The following SH2D5 variants were observed in gnomAD, a reference collection of about 807,000 sequenced individuals.
The protein encoded by SH2D5 is SH2 domain containing 5.
A neutral mutation model predicts 48.2 loss-of-function variants in SH2D5; 45 were observed. That is an observed-to-expected ratio of 0.93 (90% CI 0.73 to 1.20). SH2D5 has a LOEUF of 1.20. Ranked by LOEUF, SH2D5 falls within the 50% of genes most tolerant of loss-of-function variation. The pLI is 0.00. For synonymous variants in SH2D5, 230 were observed against 249.8 expected (o/e 0.92, Z 0.75); for missense variants, 538 against 584.1 (o/e 0.92, Z 0.81).
Position 20,722,839 on chromosome 1 carries a change from G to A in SH2D5, c.985C>T (p.Gln329Ter). 1 of 1,605,208 alleles carries A rather than the reference G, an allele frequency of 6.2e-7. No individual in the cohort carries two copies. The highest frequency in any genetic ancestry group is 8.5e-7 in the Non-Finnish European group (1 of 1,176,390). Residue 329 changes from glutamine (Q) to a stop codon, truncating the protein, a stop_gained, in exon 9 of 10, where the codon CAG becomes TAG. Transcript: ENST00000444387. LOFTEE classifies it high-confidence loss of function. ...TGCGTGCGCACGGACAGACACCACT[G>A]GCCGCTAGCACCCAGCTCAGGCCAC... ...LLWPELGASG[Q>*]WCLSVRTQCG...
At chr1:20,723,949 A>G in intron 7 of SH2D5, 134 bp downstream of exon 7, 5 of 1,182,304 alleles carry the variant, frequency 4.2e-6, no homozygotes, top group Non-Finnish European at 1.2e-6. Flanking sequence ...AAACACACAC[A>G]GTGCACAGGC....
intron 3 of SH2D5, 116 bp from the exon 4 acceptor site, chr1:20,727,191 G>T: frequency 1.1e-6 from 1 of 884,940 alleles, no homozygotes; most frequent in Non-Finnish European, 1.7e-6. Context: ...CCCTGGCAGG[G>T]GGTGGGGCCC....
In SH2D5 at chr1:20,721,995, G is replaced by A; in HGVS notation, c.1069C>T (p.His357Tyr). The A allele has an allele frequency of 6.2e-7, 1 of 1,612,156 alleles. No individual in the cohort carries two copies. Among genetic ancestry groups the A allele is most frequent in the Non-Finnish European group, 8.5e-7 (1 of 1,179,484 alleles). The change falls in exon 10 of 10, where the codon CAC becomes TAC. Residue 357 changes from histidine (H) to tyrosine (Y), a missense_variant and splice_region_variant. Physicochemically the swap from His to Tyr is moderately conservative, Grantham distance 83. Coordinates refer to ENST00000444387, the MANE Select transcript of SH2D5 (RefSeq NM_001103161.2). ...RNHLGRYCLE[H>Y]LPAEFPSLEA... ...AGGCTGGGGAACTCTGCCGGCAGGTGCTAGGGGAGGAAGGGACTTCAGCTC... is the reference window on the plus strand; with the variant it reads ...AGGCTGGGGAACTCTGCCGGCAGGTACTAGGGGAGGAAGGGACTTCAGCTC...
chr1:20,727,214 C>A (rs1475616520), intron 3 of SH2D5, 139 bp from the exon 4 acceptor site: 2 of 723,678 alleles, frequency 2.8e-6, no homozygotes, highest in Non-Finnish European at 2.2e-6. Context: ...GCTGGTGGAC[C>A]CCCCTGGCGC....
At chr1:20,730,572 G>A (rs1447816103) in intron 1 of SH2D5, among the ~76,000 whole-genome samples, 1 of 151,526 alleles carries the variant, frequency 6.6e-6, no homozygotes, top group East Asian at 1.9e-4. Flanking sequence ...CTTGGAAACT[G>A]GAAGTTCCTC....
Sources: gnomAD v4.1 joint callset for allele counts (sites outside exome capture counted in the v4.1 genomes callset) on GRCh38, gnomAD v4.1.1 for gene constraint, MANE v1.5 for transcripts, NCBI Gene and HGNC (gene_info 2026-07-23, HGNC 2026-07-21) for gene names.